LPP: variants seen among roughly 807,000 people sequenced by gnomAD.
The protein encoded by LPP is LIM domain containing preferred translocation partner in lipoma, also known as lipoma-preferred partner.
LPP carries 38 observed loss-of-function variants against 60.4 expected under a neutral mutation model. The ratio of observed to expected loss-of-function variants is 0.63; its 90% confidence interval spans 0.49 to 0.83. The LOEUF (loss-of-function observed/expected upper bound fraction) is 0.83, where lower values mean the gene tolerates loss of function less well. Ranked by LOEUF, LPP falls within the 40% of genes least tolerant of loss-of-function variation. The pLI is 0.00. For synonymous variants in LPP, 328 were observed against 290.8 expected, an observed-to-expected ratio of 1.13 and a Z score of -1.30; for missense variants, 902 against 783.6, an observed-to-expected ratio of 1.15 and a Z score of -1.80.
At chr3:188,392,070 G>T (rs1399277637) in intron 3 of LPP, among the ~76,000 whole-genome samples, 1 of 152,142 alleles carries the variant, frequency 6.6e-6, no homozygotes, top group Non-Finnish European at 1.5e-5. Flanking sequence ...CCACATTAAG[G>T]GTGATGGTTT....
chr3:188,823,344 AT>A (rs1265393789), intron 9 of LPP, among the ~76,000 whole-genome samples: 2 of 152,126 alleles, frequency 1.3e-5, no homozygotes, highest in African/African-American at 4.8e-5. Flanking sequence ...CTGTTTAAAC[AT>A]TGTGTCCATT....
intron 7 of LPP, among the ~76,000 whole-genome samples, chr3:188,621,111 A>G (rs1443814218): frequency 6.6e-6 from 1 of 150,582 alleles, no homozygotes. Flanking sequence ...CCCAGAACTT[A>G]AATTTTTTGA....
At chr3:188,541,766 G>A (rs148042849) in intron 6 of LPP, among the ~76,000 whole-genome samples, 2,112 of 151,940 alleles carry the variant, frequency 0.014, 24 homozygotes, top group South Asian at 0.049. Context: ...GCATGGTGGC[G>A]GGCACCTGTA....
intron 7 of LPP, among the ~76,000 whole-genome samples, chr3:188,682,921 C>A (rs1859850532): frequency 6.6e-6 from 1 of 152,070 alleles, no homozygotes; most frequent in Non-Finnish European, 1.5e-5. Context: ...AGAGGTGGGG[C>A]AGCCATCACT....
chr3:188,804,823 G>A (rs1037987639), intron 9 of LPP, among the ~76,000 whole-genome samples: 1 of 152,068 alleles, frequency 6.6e-6, no homozygotes, highest in African/African-American at 2.4e-5. Flanking sequence ...TGTAATGTTA[G>A]AAGTAAGGTT....
intron 6 of LPP, among the ~76,000 whole-genome samples, chr3:188,536,525 G>T (rs553111364): frequency 6.6e-6 from 1 of 152,126 alleles, no homozygotes; most frequent in Non-Finnish European, 1.5e-5. Flanking sequence ...AATAAACTTT[G>T]TGTCCATACA....
intron 9 of LPP, among the ~76,000 whole-genome samples, chr3:188,808,494 C>T (rs903923178): frequency 6.6e-6 from 1 of 151,942 alleles, no homozygotes; most frequent in African/African-American, 2.4e-5. Context: ...TCACTGGTGC[C>T]CTAAGAGCCA....
chr3:188,364,178 C>T (rs1404556281), intron 3 of LPP, among the ~76,000 whole-genome samples: 1 of 152,176 alleles, frequency 6.6e-6, no homozygotes, highest in Non-Finnish European at 1.5e-5. Context: ...CTGCCCGACT[C>T]ATTGTTTATG....
chr3:188,654,532 T>TTGTG (rs147173152), intron 7 of LPP, among the ~76,000 whole-genome samples: 3 of 150,508 alleles, frequency 2.0e-5, no homozygotes, highest in Non-Finnish European at 3.0e-5. Flanking sequence ...TTTCTCTGTG[T>TTGTG]TGTGTGTGTG....
rs948139968 is a variant in LPP at position 188,888,110 on chromosome 3, A to T, written c.*13631A>T. Reference sequence around the variant, plus strand: ...GTTGGATGTAGCGTTGAGCTTTTGCATGTTTTCTGTATAATAAACCACTTT... The same window carrying T: ...GTTGGATGTAGCGTTGAGCTTTTGCTTGTTTTCTGTATAATAAACCACTTT... On this transcript the variant is annotated 3_prime_UTR_variant, in exon 12 of 12. Transcript: ENST00000617246. 4.5e-6 allele frequency: 1 copy of T among 220,414 alleles called. No individual in the cohort carries two copies. The highest frequency in any genetic ancestry group is 9.1e-6 in the Non-Finnish European group (1 of 109,926). The allele number at this position is 220,414 out of a possible 1,614,324, so 13.7% of individuals were successfully genotyped here.
rs562451022 is a variant in LPP, at chr3:188,351,126, C to T, written c.-10+9407C>T. Among the ~76,000 whole-genome samples, 3 of 152,344 alleles carry T rather than the reference C, an allele frequency of 2.0e-5. No individual in the cohort carries two copies. In the East Asian group the frequency reaches 5.8e-4, roughly 29 times the overall value. ...TTAAAGGCTTTGAATTTAAGGATTA[C>T]TTTCTGCTTCTCTGAGTTCCCTGTA... On this transcript the variant is annotated intron_variant, in intron 3 of 11. Coordinates refer to ENST00000617246, the MANE Select transcript of LPP (RefSeq NM_001375462.1).
intron 9 of LPP, among the ~76,000 whole-genome samples, chr3:188,828,024 G>A (rs1179791250): frequency 1.3e-5 from 2 of 152,062 alleles, no homozygotes; most frequent in African/African-American, 4.8e-5. Context: ...AGGATAAAGT[G>A]TAACATTTAT....
At chr3:188,751,327 G>A (rs1436282531) in intron 8 of LPP, among the ~76,000 whole-genome samples, 1 of 152,090 alleles carries the variant, frequency 6.6e-6, no homozygotes, top group Non-Finnish European at 1.5e-5. Flanking sequence ...AAACCATAAG[G>A]CAAAAATAAT....
chr3:188,155,080 C>A (rs897879144), intron 1 of LPP, among the ~76,000 whole-genome samples: 1 of 152,002 alleles, frequency 6.6e-6, no homozygotes, highest in Non-Finnish European at 1.5e-5. Flanking sequence ...TATAAATATT[C>A]TTTAGTTGGA....
chr3:188,734,206 T>A (rs994676610), intron 8 of LPP, among the ~76,000 whole-genome samples: 4 of 152,200 alleles, frequency 2.6e-5, no homozygotes, highest in Non-Finnish European at 5.9e-5. Context: ...TGCATCCCAT[T>A]TGGATATCTT....
chr3:188,885,787 C>T lies in LPP; in HGVS notation c.*11308C>T, dbSNP rs1193442609. ...AAAAGTGTTCTTATTTCTCCACATC[C>T]TCTCCAGCACCTGTTGTTTCCTGAC... On this transcript the variant is annotated 3_prime_UTR_variant, in exon 12 of 12. Transcript: ENST00000617246. The T allele has an allele frequency of 2.6e-5, 4 of 152,174 alleles. No individual in the cohort carries two copies. The highest frequency in any genetic ancestry group is 4.4e-5 in the Non-Finnish European group (3 of 68,056). The allele number at this position is 152,174 out of a possible 1,614,324, so 9.4% of individuals were successfully genotyped here.
intron 8 of LPP, among the ~76,000 whole-genome samples, chr3:188,718,257 A>G (rs1348115659): frequency 1.3e-5 from 2 of 152,184 alleles, no homozygotes; most frequent in African/African-American, 4.8e-5. Context: ...AAGCCATGCA[A>G]CTAGGTGTGT....
At position 188,164,937 on chromosome 3, in the gene LPP, T is replaced by A. The variant is rs553137168; in HGVS notation, c.-190+10685T>A. On this transcript the variant is annotated intron_variant, in intron 1 of 11. Coordinates refer to ENST00000617246, the MANE Select transcript of LPP (RefSeq NM_001375462.1). ...CAGTGTGGTCTCTGCTTGCAAGAGG[T>A]CACATAAATCATCAAGACAGTATGT... Among the ~76,000 whole-genome samples the A allele has an allele frequency of 3.2e-4, 48 of 151,952 alleles. 2 individuals are homozygous for A. In the South Asian group the frequency reaches 8.1e-3, roughly 26 times the overall value.
At chr3:188,599,507 C>T (rs1840639885) in intron 6 of LPP, among the ~76,000 whole-genome samples, 1 of 152,030 alleles carries the variant, frequency 6.6e-6, no homozygotes, top group Non-Finnish European at 1.5e-5. Context: ...TTTTTCTTCA[C>T]AGTGTCATAT....
Sources: gnomAD v4.1 joint callset for allele counts (sites outside exome capture counted in the v4.1 genomes callset) on GRCh38, gnomAD v4.1.1 for gene constraint, MANE v1.5 for transcripts, NCBI Gene and HGNC (gene_info 2026-07-23, HGNC 2026-07-21) for gene names.